Variants in NEK11 observed in about 807,000 individuals in gnomAD.
The protein encoded by NEK11 is serine/threonine-protein kinase Nek11.
NEK11 carries 72 observed loss-of-function variants against 80.7 expected under a neutral mutation model. The ratio of observed to expected loss-of-function variants is 0.89; its 90% CI spans 0.74 to 1.08. The LOEUF (loss-of-function observed/expected upper bound fraction) is 1.08. Among genes scored for constraint, NEK11 ranks in the 50% least tolerant of loss-of-function variants. The pLI is 0.00. For missense variants in NEK11, 764 were observed against 763.6 expected, an observed-to-expected ratio of 1.00 and a Z score of -0.01; for synonymous variants, 251 against 260.7, an observed-to-expected ratio of 0.96 and a Z score of 0.36.
At chr3:131,231,208 C>CTT (rs200841954) in intron 15 of NEK11, among the ~76,000 whole-genome samples, 5 of 144,474 alleles carry the variant, frequency 3.5e-5, no homozygotes, top group Non-Finnish European at 7.6e-5. Context: ...TCTTTTTTTT[C>CTT]TTTTTTTTTT....
rs573163913 is a variant in NEK11 at position 131,120,072 on chromosome 3, A to C, written c.455+10151A>C. 8.4e-3 allele frequency among the ~76,000 whole-genome samples: 1,281 copies of C among 152,226 alleles called. 16 individuals carry two copies. Among genetic ancestry groups the C allele is most frequent in the African/African-American group, 0.029 (1,202 of 41,530 alleles). ...TTAGTTGATGCAGTTTCTTCCTAGC[A>C]TCGATGGTCTTTACAATTTGGCATG... On this transcript the variant is annotated intron_variant, in intron 5 of 17. Coordinates refer to ENST00000383366, the MANE Select transcript of NEK11 (RefSeq NM_024800.5).
chr3:131,162,692 A>G lies in NEK11; in HGVS notation c.1082+165A>G, dbSNP rs374531918. Among the ~76,000 whole-genome samples the G allele has an allele frequency of 1.4e-4, 21 of 152,256 alleles. No homozygotes were observed. In the South Asian group the frequency reaches 3.9e-3, roughly 28 times the overall value. The stretch of plus-strand genomic sequence containing the variant: ...TTCACTCCAAGATGATTATTGAGCC[A>G]TAGATTGAATGTCAGGTGCTATTAA... On this transcript the variant is annotated intron_variant, in intron 11 of 17. Transcript: ENST00000383366.
At chr3:131,181,023 G>A (rs766437788) in intron 14 of NEK11, among the ~76,000 whole-genome samples, 7 of 152,220 alleles carry the variant, frequency 4.6e-5, no homozygotes, top group Non-Finnish European at 7.3e-5. Context: ...GGGCTCCAAA[G>A]ATGTCCTTAA....
At chr3:131,149,031 A>G (rs545283071) in intron 7 of NEK11, among the ~76,000 whole-genome samples, 1 of 151,990 alleles carries the variant, frequency 6.6e-6, no homozygotes, top group East Asian at 1.9e-4. Context: ...ATATATAATA[A>G]ATTATTGTTA....
At chr3:131,055,201 A>G (rs1259746925) in intron 3 of NEK11, among the ~76,000 whole-genome samples, 1 of 152,232 alleles carries the variant, frequency 6.6e-6, no homozygotes, top group East Asian at 1.9e-4. Context: ...GCTTAATGCA[A>G]TAGAATCATT....
intron 17 of NEK11, among the ~76,000 whole-genome samples, chr3:131,274,482 G>T (rs2096258162): frequency 6.6e-6 from 1 of 151,318 alleles, no homozygotes; most frequent in Non-Finnish European, 1.5e-5. Context: ...CCAGTAGTGG[G>T]ATGGCTGGGT....
chr3:131,252,648 T>C (rs1319510958), intron 16 of NEK11, among the ~76,000 whole-genome samples: 8 of 152,130 alleles, frequency 5.3e-5, no homozygotes, highest in Admixed American at 1.3e-4. Context: ...CAAGGTCAGA[T>C]TAAAGCCTTG....
chr3:131,221,999 A>G (rs2095041124), intron 14 of NEK11, among the ~76,000 whole-genome samples: 1 of 152,120 alleles, frequency 6.6e-6, no homozygotes, highest in African/African-American at 2.4e-5. Context: ...AACTAGGCTC[A>G]GGCTGAATCT....
intron 3 of NEK11, among the ~76,000 whole-genome samples, chr3:131,033,935 T>C (rs887510078): frequency 7.2e-5 from 11 of 152,212 alleles, no homozygotes; most frequent in Non-Finnish European, 1.6e-4. Flanking sequence ...TTTCCTTTAT[T>C]ATGCATCATG....
intron 17 of NEK11, among the ~76,000 whole-genome samples, chr3:131,340,980 T>C (rs1240658047): frequency 6.6e-6 from 1 of 152,172 alleles, no homozygotes; most frequent in Non-Finnish European, 1.5e-5. Context: ...CCCAGCTAAC[T>C]AAAGGAATAG....
chr3:131,196,715 T>A (rs1327357749), intron 14 of NEK11, among the ~76,000 whole-genome samples: 1 of 152,076 alleles, frequency 6.6e-6, no homozygotes, highest in Non-Finnish European at 1.5e-5. Flanking sequence ...GTATTTTTAG[T>A]AGAAATGGGG....
chr3:131,214,167 A>G (rs1340657183), intron 14 of NEK11, among the ~76,000 whole-genome samples: 4 of 152,230 alleles, frequency 2.6e-5, no homozygotes, highest in Non-Finnish European at 4.4e-5. Context: ...ATTCTGTTAC[A>G]GAAGCCCAAA....
intron 17 of NEK11, among the ~76,000 whole-genome samples, chr3:131,279,072 T>C (rs1222604742): frequency 6.6e-6 from 1 of 151,992 alleles, no homozygotes; most frequent in Non-Finnish European, 1.5e-5. Flanking sequence ...TATTTTTGAC[T>C]TTTAAAAATT....
intron 3 of NEK11, among the ~76,000 whole-genome samples, chr3:131,071,775 G>A (rs929760287): frequency 1.3e-5 from 2 of 151,806 alleles, no homozygotes; most frequent in Non-Finnish European, 2.9e-5. Flanking sequence ...ATTTTGTCAT[G>A]ATTTTTAAAA....
At chr3:131,073,505 T>C (rs1459779092) in intron 3 of NEK11, among the ~76,000 whole-genome samples, 1 of 152,250 alleles carries the variant, frequency 6.6e-6, no homozygotes, top group African/African-American at 2.4e-5. Context: ...TTATTAATTA[T>C]TTGCCTATTA....
intron 3 of NEK11, among the ~76,000 whole-genome samples, chr3:131,078,925 ATTATT>A (rs1421326119): frequency 4.5e-5 from 6 of 133,478 alleles, no homozygotes; most frequent in Non-Finnish European, 8.1e-5. Context: ...TTATTTTTAT[ATTATT>A]TTTTAGGACC....
At chr3:131,202,631 T>C (rs1269645847) in intron 14 of NEK11, among the ~76,000 whole-genome samples, 1 of 151,876 alleles carries the variant, frequency 6.6e-6, no homozygotes, top group East Asian at 1.9e-4. Context: ...ACCATCAGAG[T>C]GAACAGGCAA....
chr3:131,233,031 A>T (rs970077183), intron 15 of NEK11, among the ~76,000 whole-genome samples: 2 of 137,064 alleles, frequency 1.5e-5, no homozygotes, highest in Non-Finnish European at 3.2e-5. Flanking sequence ...GAAGGAAGGA[A>T]GGAAGGTTGG....
chr3:131,230,522 T>A (rs923031283), intron 15 of NEK11, among the ~76,000 whole-genome samples: 1 of 152,194 alleles, frequency 6.6e-6, no homozygotes, highest in African/African-American at 2.4e-5. Flanking sequence ...TAGCTATTAT[T>A]ATTATGAAGT....
Sources: allele counts gnomAD v4.1 joint callset (sites outside exome capture counted in the v4.1 genomes callset), GRCh38; gene constraint gnomAD v4.1.1; transcripts MANE v1.5; gene names NCBI Gene and HGNC (gene_info 2026-07-23, HGNC 2026-07-21).